Variants in LPCAT1 observed in about 807,000 individuals in gnomAD.
LPCAT1 encodes the protein lysophosphatidylcholine acyltransferase 1, also known as 1-acylglycerol-3-phosphate O-acyltransferase.
Under a neutral mutation model 60.9 loss-of-function variants are expected in LPCAT1, and 23 were observed. The observed-to-expected ratio is 0.38, with a 90% CI of 0.27 to 0.53. The LOEUF (loss-of-function observed/expected upper bound fraction) is 0.53. Among genes scored for constraint, LPCAT1 ranks in the 20% least tolerant of loss-of-function variants. LPCAT1 has a pLI of 0.82. For missense variants in LPCAT1, 622 were observed against 723.6 expected (o/e 0.86, Z 1.61); for synonymous variants, 340 against 301.1 (o/e 1.13, Z -1.34).
At chr5:1,468,940 C>T (rs1734554173) in intron 12 of LPCAT1, among the ~76,000 whole-genome samples, 1 of 152,218 alleles carries the variant, frequency 6.6e-6, no homozygotes, top group African/African-American at 2.4e-5. Flanking sequence ...CAAAATGTGC[C>T]AGGCTCCCAG....
chr5:1,503,442 T>G (rs1208304015), intron 1 of LPCAT1, among the ~76,000 whole-genome samples: 1 of 152,252 alleles, frequency 6.6e-6, no homozygotes, highest in African/African-American at 2.4e-5. Flanking sequence ...GAGAGCCACG[T>G]GCTGCACCCC....
intron 1 of LPCAT1, among the ~76,000 whole-genome samples, chr5:1,514,595 C>T (rs1343139295): frequency 6.6e-6 from 1 of 152,178 alleles, no homozygotes; most frequent in Non-Finnish European, 1.5e-5. Flanking sequence ...ATTTTAATTC[C>T]GAGGTTGGGA....
In LPCAT1 at chr5:1,523,786, T is replaced by A; in HGVS notation, c.59A>T (p.Asp20Val). 2.7e-6 allele frequency: 3 copies of A among 1,131,716 alleles called. No homozygotes were observed. Among genetic ancestry groups the A allele is most frequent in the Non-Finnish European group, 2.2e-6 (2 of 923,740 alleles). 70.1% of individuals were successfully genotyped at this position (1,131,716 alleles called of 1,614,324 possible). Residue 20 changes from aspartate (D) to valine (V), a missense_variant, in exon 1 of 14, where the codon GAC becomes GTC. Asp to Val is a radical substitution (Grantham distance 152). Transcript: ENST00000283415. This position sits in a 1 kb window ranked among gnomAD's most constrained non-coding sequence, Gnocchi z 7.1. ...AAPASSAGAS[D>V]ARLLAPPGRN... ...CCCCGGGGGCGCCAGCAGCCGAGCG[T>A]CGCTGGCCCCTGCGCTGGAGGCAGG...
At chr5:1,492,332 T>A (rs548300300) in intron 3 of LPCAT1, among the ~76,000 whole-genome samples, 1 of 146,708 alleles carries the variant, frequency 6.8e-6, no homozygotes, top group South Asian at 2.2e-4. Context: ...AGCTGGGGCC[T>A]GGGGAGACGT....
intron 13 of LPCAT1, among the ~76,000 whole-genome samples, chr5:1,464,656 CACAA>C (rs944485647): frequency 3.6e-5 from 5 of 139,358 alleles, no homozygotes; most frequent in African/African-American, 5.4e-5. Flanking sequence ...CACACACACA[CACAA>C]AAGCACGCAC....
intron 10 of LPCAT1, 74 bp downstream of exon 10, chr5:1,474,486 C>T: frequency 6.4e-7 from 1 of 1,564,806 alleles, no homozygotes; most frequent in South Asian, 1.2e-5. Flanking sequence ...TCCCTGCAAC[C>T]CCAGGCAGCC....
At chr5:1,515,093 T>C (rs1395311661) in intron 1 of LPCAT1, among the ~76,000 whole-genome samples, 1 of 151,702 alleles carries the variant, frequency 6.6e-6, no homozygotes, top group Non-Finnish European at 1.5e-5. Context: ...CATCAGGGGA[T>C]CCTGCTACAA....
In LPCAT1 at chr5:1,463,853, C is replaced by T. The variant is rs930742247; in HGVS notation, c.1421-18G>A. ...GAAGTCAGCTGGAAAGACAAAGGCA[C>T]CTGTGGTTATGGAATGGGGACGAGC... On this transcript the variant is annotated intron_variant, in intron 13 of 13. Coordinates refer to ENST00000283415, the MANE Select transcript of LPCAT1 (RefSeq NM_024830.5). The T allele has an allele frequency of 5.6e-6, 9 of 1,612,070 alleles. No individual in the cohort carries two copies. Among genetic ancestry groups the T allele is most frequent in the Non-Finnish European group, 7.6e-6 (9 of 1,178,656 alleles).
chr5:1,472,941 G>A (rs1734744074), intron 11 of LPCAT1, among the ~76,000 whole-genome samples: 1 of 152,138 alleles, frequency 6.6e-6, no homozygotes, highest in African/African-American at 2.4e-5. Flanking sequence ...TTCACACTCT[G>A]CATACTTGCG....
At position 1,480,294 on chromosome 5, in the gene LPCAT1, G is replaced by A. The variant is rs1735084656; in HGVS notation, c.762-619C>T. On this transcript the variant is annotated intron_variant, in intron 7 of 13. Coordinates refer to ENST00000283415, the MANE Select transcript of LPCAT1 (RefSeq NM_024830.5). The surrounding 1 kb of genome is among the most constrained non-coding windows in gnomAD (Gnocchi z 6.4). ...TCCACACGCCAGCCTGGGAAGCGCT[G>A]ACCTCAACACCTTCACCTGAAAGCA... 2 of 982,646 alleles carry A rather than the reference G, an allele frequency of 2.0e-6. No individual in the cohort carries two copies. The highest frequency in any genetic ancestry group is 1.8e-5 in the African/African-American group (1 of 56,764). The allele number at this position is 982,646 out of a possible 1,614,324, so 60.9% of individuals were successfully genotyped here. A position where few individuals can be genotyped will look rare whatever the true frequency, so the allele number is the denominator to read the frequency against.
chr5:1,481,020 C>G lies in LPCAT1; in HGVS notation c.727-44G>C. Reference sequence around the variant, plus strand: ...GGTCAGTCAGCATGGGGCCTGCACCCAGGGCCTGCACCAAGCACCTGCGTG... The same window carrying G: ...GGTCAGTCAGCATGGGGCCTGCACCGAGGGCCTGCACCAAGCACCTGCGTG... On this transcript the variant is annotated intron_variant, in intron 6 of 13. Transcript: ENST00000283415. The surrounding 1 kb of genome is among the most constrained non-coding windows in gnomAD (Gnocchi z 7.8). 6.2e-7 allele frequency: 1 copy of G among 1,610,850 alleles called. No individual in the cohort carries two copies. Among genetic ancestry groups the G allele is most frequent in the Non-Finnish European group, 8.5e-7 (1 of 1,178,418 alleles).
In LPCAT1 at chr5:1,473,933, C is replaced by T. The variant is rs114531987; in HGVS notation, c.1179+24G>A. The T allele has an allele frequency of 1.2e-3, 1,859 of 1,602,922 alleles. 16 individuals are homozygous for T. The African/African-American group carries it at 0.019, about 17-fold the overall frequency. ...AAAGCAGGAGGTTTTGCCGACACCC[C>T]GCTCCGCAGGCGACAGGCCCTACCT... On this transcript the variant is annotated intron_variant, in intron 11 of 13. Transcript: ENST00000283415.
At position 1,523,720 on chromosome 5, in the gene LPCAT1, T is replaced by C. The variant is rs1736747050; in HGVS notation, c.125A>G (p.Gln42Arg). The change falls in exon 1 of 14, where the codon CAG becomes CGG. Residue 42 changes from glutamine to arginine, a missense_variant. This residue lies in a region of LPCAT1 where 125 missense variants were observed against 114.5 expected (regional missense o/e 1.09). Coordinates refer to ENST00000283415, the MANE Select transcript of LPCAT1 (RefSeq NM_024830.5). This position sits in a 1 kb window ranked among gnomAD's most constrained non-coding sequence, Gnocchi z 7.1. Reference protein sequence around the residue: ...FVHELRLSALQKAQVALMTLT... With the variant: ...FVHELRLSALRKAQVALMTLT... ...GCCCTGGGCACCCACCTGGGCCTTC[T>C]GCAGGGCGCTGAGGCGCAGCTCGTG... The C allele has an allele frequency of 2.6e-6, 3 of 1,156,348 alleles. No individual in the cohort carries two copies. Among genetic ancestry groups the C allele is most frequent in the Non-Finnish European group, 3.2e-6 (3 of 934,468 alleles). 71.6% of individuals were successfully genotyped at this position (1,156,348 alleles called of 1,614,324 possible).
rs1734437241 is a variant in LPCAT1, at chr5:1,466,935, C to T, written c.1279-45G>A. On this transcript the variant is annotated intron_variant, in intron 12 of 13. Transcript: ENST00000283415. ...TCACCTTGCAGCCTCCTCCCCTGCC[C>T]ACCAGGCCCCGCTGTCCAGGGACAC... 2.7e-6 allele frequency: 4 copies of T among 1,483,270 alleles called. No individual in the cohort carries two copies. In the East Asian group the frequency reaches 1.0e-4, roughly 38 times the overall value. The allele number at this position is 1,483,270 out of a possible 1,614,324, so 91.9% of individuals were successfully genotyped here. A position where few individuals can be genotyped will look rare whatever the true frequency, so the allele number is the denominator to read the frequency against.
chr5:1,500,766 C>A (rs1414967130), intron 2 of LPCAT1, among the ~76,000 whole-genome samples: 1 of 152,228 alleles, frequency 6.6e-6, no homozygotes, highest in Non-Finnish European at 1.5e-5. Flanking sequence ...CCCACTTAGC[C>A]CAATTTTAAT....
chr5:1,491,352 GGA>G (rs1300428821), intron 3 of LPCAT1, among the ~76,000 whole-genome samples: 4 of 152,184 alleles, frequency 2.6e-5, no homozygotes, highest in Non-Finnish European at 4.4e-5. Flanking sequence ...CACGGGGTCT[GGA>G]GATGCCACCC....
At chr5:1,479,311 G>T (rs1403053135) in intron 8 of LPCAT1, among the ~76,000 whole-genome samples, 1 of 152,234 alleles carries the variant, frequency 6.6e-6, no homozygotes, top group Non-Finnish European at 1.5e-5. Context: ...GGGCCCAGGA[G>T]GTCGAGGCTG....
At chr5:1,467,015 G>A (rs1200032827) in intron 12 of LPCAT1, 125 bp from the exon 13 acceptor site, 2 of 1,071,982 alleles carry the variant, frequency 1.9e-6, no homozygotes, top group Non-Finnish European at 2.4e-6. Context: ...AGGGCCGGCG[G>A]CTGGACACGG....
intron 1 of LPCAT1, among the ~76,000 whole-genome samples, chr5:1,519,805 C>T (rs890188142): frequency 2.0e-5 from 3 of 152,250 alleles, no homozygotes; most frequent in Non-Finnish European, 4.4e-5. Flanking sequence ...GGCCTGGCAC[C>T]GTCTCCAAGG....
Sources: gnomAD v4.1 joint callset for allele counts (sites outside exome capture counted in the v4.1 genomes callset) on GRCh38, gnomAD v4.1.1 for gene constraint, gnomAD v4.1.1 regional missense constraint, Gnocchi (gnomAD v3.1) non-coding constraint, MANE v1.5 for transcripts, NCBI Gene and HGNC (gene_info 2026-07-23, HGNC 2026-07-21) for gene names.